Variants in DAGLB observed in about 807,000 individuals in gnomAD.
The protein encoded by DAGLB is diacylglycerol lipase-beta.
DAGLB carries 66 observed loss-of-function variants against 72.1 expected under a neutral mutation model. The observed-to-expected ratio is 0.92, with a 90% confidence interval of 0.75 to 1.12. The LOEUF is 1.12. Ranked by LOEUF, DAGLB falls within the 50% of genes most tolerant of loss-of-function variation. DAGLB has a pLI of 0.00. For missense variants in DAGLB, 1,065 were observed against 884.9 expected, an observed-to-expected ratio of 1.20 and a Z score of -2.58; for synonymous variants, 414 against 359.5, an observed-to-expected ratio of 1.15 and a Z score of -1.71.
intron 2 of DAGLB, among the ~76,000 whole-genome samples, chr7:6,440,114 G>A (rs950302922): frequency 2.6e-4 from 39 of 151,576 alleles, no homozygotes; most frequent in Admixed American, 3.9e-4. Flanking sequence ...CTCAAATGCC[G>A]GGTGCAGTGG....
intron 4 of DAGLB, among the ~76,000 whole-genome samples, 199 bp downstream of exon 4, chr7:6,434,563 C>G (rs368791419): frequency 3.9e-5 from 6 of 152,268 alleles, no homozygotes; most frequent in African/African-American, 1.4e-4. Context: ...TATTGGGACA[C>G]AGGGTCTGAG....
intron 9 of DAGLB, among the ~76,000 whole-genome samples, chr7:6,419,200 T>G (rs1784027840): frequency 6.6e-6 from 1 of 151,888 alleles, no homozygotes; most frequent in South Asian, 2.1e-4. Flanking sequence ...TTTTGTATTT[T>G]CAGTAGAGAT....
At chr7:6,415,247 G>A (rs1330880169) in intron 11 of DAGLB, among the ~76,000 whole-genome samples, 9 of 151,846 alleles carry the variant, frequency 5.9e-5, no homozygotes, top group African/African-American at 2.2e-4. Context: ...TAGACTGCTA[G>A]GCAACAATTC....
chr7:6,438,718 T>C (rs988942805), intron 2 of DAGLB, among the ~76,000 whole-genome samples: 2 of 152,042 alleles, frequency 1.3e-5, no homozygotes, highest in African/African-American at 4.8e-5. Flanking sequence ...AGAGATGGAG[T>C]TGCTCTGATT....
chr7:6,409,684 T>A lies in DAGLB; in HGVS notation c.*153A>T, dbSNP rs1783651405. On this transcript the variant is annotated 3_prime_UTR_variant, in exon 15 of 15. Coordinates refer to ENST00000297056, the MANE Select transcript of DAGLB (RefSeq NM_139179.4). ...ATGGCCACAATGACTTCCCATAAAC[T>A]TAAGTCATTGAGACCATGGAATTCT... The A allele has an allele frequency of 1.1e-6, 1 of 909,136 alleles. No individual in the cohort carries two copies. The highest frequency in any genetic ancestry group is 1.7e-5 in the African/African-American group (1 of 59,696). 56.3% of individuals were successfully genotyped at this position (909,136 alleles called of 1,614,324 possible).
At chr7:6,427,643 C>T (rs1186749182) in intron 6 of DAGLB, among the ~76,000 whole-genome samples, 4 of 152,004 alleles carry the variant, frequency 2.6e-5, no homozygotes, top group Admixed American at 6.6e-5. Flanking sequence ...AATACATAGG[C>T]GTGGTGGCTT....
At position 6,447,793 on chromosome 7, in the gene DAGLB, T is replaced by C; in HGVS notation, c.50A>G (p.Asp17Gly). 1 of 1,613,404 alleles carries C rather than the reference T, an allele frequency of 6.2e-7. No homozygotes were observed. The highest frequency in any genetic ancestry group is 8.5e-7 in the Non-Finnish European group (1 of 1,179,748). ...FGRRWAIASD[D>G]LVFPGFFELV... ...CTCGAAGAACCCTGGGAAGACCAAGTCGTCGCTGGCGATGGCCCAGCGCCG... is the reference window on the plus strand; with the variant it reads ...CTCGAAGAACCCTGGGAAGACCAAGCCGTCGCTGGCGATGGCCCAGCGCCG... Residue 17 changes from aspartate (D) to glycine (G), a missense_variant, in exon 1 of 15, where the codon GAC becomes GGC. Physicochemically the swap from Asp to Gly is moderately conservative, Grantham distance 94. Transcript: ENST00000297056.
rs1238867296 is a variant in DAGLB at position 6,447,798 on chromosome 7, G to T, written c.45C>A (p.Ser15Arg). 1 of 1,613,436 alleles carries T rather than the reference G, an allele frequency of 6.2e-7. No homozygotes were observed. Among genetic ancestry groups the T allele is most frequent in the Admixed American group, 1.7e-5 (1 of 59,950 alleles). The change falls in exon 1 of 15, where the codon AGC becomes AGA. Residue 15 changes from serine to arginine, a missense_variant. Physicochemically the swap from Ser to Arg is moderately radical, Grantham distance 110. Transcript: ENST00000297056. ...VLFGRRWAIA[S>R]DDLVFPGFFE... ...AGAACCCTGGGAAGACCAAGTCGTCGCTGGCGATGGCCCAGCGCCGGCCGA... is the reference window on the plus strand; with the variant it reads ...AGAACCCTGGGAAGACCAAGTCGTCTCTGGCGATGGCCCAGCGCCGGCCGA...
Position 6,409,598 on chromosome 7 carries a change from G to A in DAGLB, c.*239C>T, listed in dbSNP as rs836560. The A allele has an allele frequency of 0.13, 73,266 of 557,762 alleles. 10,616 individuals carry two copies. The highest frequency in any genetic ancestry group is 0.57 in the East Asian group (18,409 of 32,016). The allele number at this position is 557,762 out of a possible 1,614,324, so 34.6% of individuals were successfully genotyped here. A position where few individuals can be genotyped will look rare whatever the true frequency, so the allele number is the denominator to read the frequency against. ...CAGGGCTTCCCGAGGCTGTCTCCACGGTCGCTGGGTCTCAGGAGTCGTCCT... is the reference window on the plus strand; with the variant it reads ...CAGGGCTTCCCGAGGCTGTCTCCACAGTCGCTGGGTCTCAGGAGTCGTCCT... On this transcript the variant is annotated 3_prime_UTR_variant, in exon 15 of 15. Coordinates refer to ENST00000297056, the MANE Select transcript of DAGLB (RefSeq NM_139179.4).
intron 2 of DAGLB, among the ~76,000 whole-genome samples, chr7:6,442,383 C>G (rs573307342): frequency 6.6e-6 from 1 of 151,988 alleles, no homozygotes; most frequent in African/African-American, 2.4e-5. Flanking sequence ...ATATGAGCAT[C>G]CCTCACAGGG....
At chr7:6,412,462 T>G in intron 13 of DAGLB, 1 of 232,964 alleles carries the variant, frequency 4.3e-6, no homozygotes, top group Non-Finnish European at 8.5e-6. Flanking sequence ...GTATTTTCTT[T>G]TCTTTTTTTT....
At chr7:6,416,074 T>A (rs1229007102) in intron 11 of DAGLB, among the ~76,000 whole-genome samples, 1 of 151,396 alleles carries the variant, frequency 6.6e-6, no homozygotes, top group African/African-American at 2.4e-5. Context: ...GGAGGGAGGG[T>A]ATGAGAGATC....
At position 6,416,829 on chromosome 7, in the gene DAGLB, C is replaced by T. The variant is rs750068179; in HGVS notation, c.1299+12G>A. The T allele has an allele frequency of 1.2e-6, 2 of 1,614,232 alleles. No homozygotes were observed. The highest frequency in any genetic ancestry group is 1.1e-5 in the South Asian group (1 of 91,092). Reference sequence around the variant, plus strand: ...AAGAGGACAAGGAAAGAAACGTTAACTAAGATCTCACAGGAGCAATGCTGA... The same window carrying T: ...AAGAGGACAAGGAAAGAAACGTTAATTAAGATCTCACAGGAGCAATGCTGA... On this transcript the variant is annotated intron_variant, in intron 10 of 14. Transcript: ENST00000297056.
At chr7:6,410,994 C>A (rs1203051440) in intron 13 of DAGLB, among the ~76,000 whole-genome samples, 12 of 151,000 alleles carry the variant, frequency 7.9e-5, no homozygotes, top group Admixed American at 3.3e-4. Context: ...ACGCCATTCT[C>A]CTGCCTCAGC....
chr7:6,417,945 A>C (rs1451131079), intron 9 of DAGLB, among the ~76,000 whole-genome samples: 1 of 152,106 alleles, frequency 6.6e-6, no homozygotes, highest in Non-Finnish European at 1.5e-5. Flanking sequence ...ATCTCGGCTC[A>C]CTGCAACCTC....
chr7:6,446,736 C>T (rs541205298), intron 1 of DAGLB, among the ~76,000 whole-genome samples: 8 of 150,764 alleles, frequency 5.3e-5, no homozygotes, highest in South Asian at 2.2e-4. Context: ...AGGCCCGGCA[C>T]GGCGGCTCAC....
rs912035238 is a variant in DAGLB at position 6,417,029 on chromosome 7, G to A, written c.1219-108C>T. On this transcript the variant is annotated intron_variant, in intron 9 of 14. Transcript: ENST00000297056. Reference sequence around the variant, plus strand: ...GCACTGATGTGTGAGTCTCTCCTGGGATCTGAGACTGCAGAATCAGCAGCC... The same window carrying A: ...GCACTGATGTGTGAGTCTCTCCTGGAATCTGAGACTGCAGAATCAGCAGCC... 27 of 1,283,504 alleles carry A rather than the reference G, an allele frequency of 2.1e-5. No individual in the cohort carries two copies. In the Middle Eastern group the frequency reaches 1.4e-3, roughly 64 times the overall value. The allele number at this position is 1,283,504 out of a possible 1,614,324, so 79.5% of individuals were successfully genotyped here. A position where few individuals can be genotyped will look rare whatever the true frequency, so the allele number is the denominator to read the frequency against.
intron 2 of DAGLB, among the ~76,000 whole-genome samples, chr7:6,442,589 C>T (rs1784868193): frequency 6.6e-6 from 1 of 152,308 alleles, no homozygotes; most frequent in Admixed American, 6.5e-5. Context: ...AGTCTCAATA[C>T]TTCACCTTCA....
rs866797112 is a variant in DAGLB, at chr7:6,441,113, T to C, written c.248-4580A>G. Among the ~76,000 whole-genome samples, 40 of 148,432 alleles carry C rather than the reference T, an allele frequency of 2.7e-4. No individual in the cohort carries two copies. The South Asian group carries it at 6.0e-3, about 22-fold the overall frequency. ...GACAATTTTTTTTTTTTTTTTGAGA[T>C]GGAGTCTCGCTCTGTCGCCCAAGCT... On this transcript the variant is annotated intron_variant, in intron 2 of 14. Transcript: ENST00000297056.
Sources: gnomAD v4.1 joint callset for allele counts (sites outside exome capture counted in the v4.1 genomes callset) on GRCh38, gnomAD v4.1.1 for gene constraint, MANE v1.5 for transcripts, NCBI Gene and HGNC (gene_info 2026-07-23, HGNC 2026-07-21) for gene names.